The following GPC6 variants were observed in gnomAD, a reference collection of about 807,000 sequenced individuals.
The protein encoded by GPC6 is glypican 6, also known as glypican-6.
A neutral mutation model predicts 55.2 loss-of-function variants in GPC6; 14 were observed. That is an observed-to-expected ratio of 0.25 (90% confidence interval 0.17 to 0.40). The LOEUF is 0.40. Ranked by LOEUF, GPC6 falls within the 10% of genes least tolerant of loss-of-function variation. The pLI, the probability that GPC6 is intolerant of heterozygous loss-of-function variation, is 1.00. For missense variants in GPC6, 641 were observed against 708.5 expected (o/e 0.90, Z 1.08); for synonymous variants, 278 against 259.6 (o/e 1.07, Z -0.68).
chr13:94,026,579 T>C (rs1308797775), intron 3 of GPC6, among the ~76,000 whole-genome samples: 6 of 152,148 alleles, frequency 3.9e-5, no homozygotes, highest in Non-Finnish European at 8.8e-5. Context: ...CATCTAGTCA[T>C]GAATAAGAGT....
chr13:93,245,292 G>A (rs934127632), intron 1 of GPC6, among the ~76,000 whole-genome samples: 2 of 152,136 alleles, frequency 1.3e-5, no homozygotes, highest in African/African-American at 4.8e-5. Context: ...TTCAGTTTTG[G>A]ATACTCTGAT....
intron 4 of GPC6, among the ~76,000 whole-genome samples, chr13:94,202,054 C>T (rs926188160): frequency 2.6e-5 from 4 of 152,174 alleles, no homozygotes; most frequent in African/African-American, 9.7e-5. Flanking sequence ...TCTCACTCCC[C>T]TGGCATTTAT....
chr13:94,337,344 C>G (rs557668429), intron 6 of GPC6, among the ~76,000 whole-genome samples: 7 of 152,264 alleles, frequency 4.6e-5, no homozygotes, highest in Non-Finnish European at 1.0e-4. Context: ...TTTATTTCAT[C>G]TAAATTCACA....
intron 4 of GPC6, among the ~76,000 whole-genome samples, chr13:94,039,004 A>C (rs1464323635): frequency 6.6e-6 from 1 of 151,894 alleles, no homozygotes; most frequent in African/African-American, 2.4e-5. Context: ...TGCAAGACCC[A>C]TCCCAGCAGA....
At chr13:93,748,896 AG>A (rs66499844) in intron 2 of GPC6, among the ~76,000 whole-genome samples, 41,780 of 151,812 alleles carry the variant, frequency 0.28, 6,507 homozygotes, top group Middle Eastern at 0.37. Context: ...AGGAACACAA[AG>A]AAATCTGACT....
At chr13:94,398,029 A>AT (rs34088644) in intron 7 of GPC6, among the ~76,000 whole-genome samples, 4,220 of 152,200 alleles carry the variant, frequency 0.028, 86 homozygotes, top group African/African-American at 0.047. Flanking sequence ...ACCATGTGAG[A>AT]TGTGCCTTTG....
At chr13:93,587,235 CT>C (rs548231280) in intron 2 of GPC6, among the ~76,000 whole-genome samples, 164 of 151,906 alleles carry the variant, frequency 1.1e-3, no homozygotes, top group African/African-American at 3.6e-3. Context: ...TTATTTACCC[CT>C]AATAAAGTAG....
At chr13:93,305,299 A>G (rs1245900879) in intron 1 of GPC6, among the ~76,000 whole-genome samples, 1 of 151,834 alleles carries the variant, frequency 6.6e-6, no homozygotes, top group African/African-American at 2.4e-5. Context: ...AAACTTCTCT[A>G]GTGATTATGA....
intron 3 of GPC6, among the ~76,000 whole-genome samples, chr13:93,956,027 C>T (rs1237908473): frequency 6.6e-6 from 1 of 152,144 alleles, no homozygotes; most frequent in Non-Finnish European, 1.5e-5. Flanking sequence ...GCCACCACTA[C>T]TAGAGCCACT....
At chr13:93,922,869 A>G (rs1877648719) in intron 3 of GPC6, among the ~76,000 whole-genome samples, 1 of 152,164 alleles carries the variant, frequency 6.6e-6, no homozygotes. Flanking sequence ...AACATCCATA[A>G]TAGTTGATGG....
chr13:94,203,813 G>T (rs79407262), intron 4 of GPC6, among the ~76,000 whole-genome samples: 1 of 152,032 alleles, frequency 6.6e-6, no homozygotes, highest in Non-Finnish European at 1.5e-5. Context: ...TCAAATACAT[G>T]TTGGAGCCTC....
intron 4 of GPC6, among the ~76,000 whole-genome samples, chr13:94,061,277 T>G (rs182358115): frequency 4.6e-5 from 7 of 152,348 alleles, no homozygotes; most frequent in Non-Finnish European, 1.0e-4. Flanking sequence ...CCCATCTTAG[T>G]ACTACAAAAT....
At chr13:93,502,407 G>C (rs1428268640) in intron 1 of GPC6, among the ~76,000 whole-genome samples, 2 of 152,060 alleles carry the variant, frequency 1.3e-5, no homozygotes, top group African/African-American at 4.8e-5. Flanking sequence ...GACTCTTACA[G>C]AATGTGTTCT....
chr13:93,797,616 C>A (rs1012244259), intron 2 of GPC6, among the ~76,000 whole-genome samples: 1 of 152,138 alleles, frequency 6.6e-6, no homozygotes, highest in Non-Finnish European at 1.5e-5. Flanking sequence ...CCCATTATTA[C>A]TTACAGAGGA....
At chr13:93,351,754 TAAACA>T (rs201935648) in intron 1 of GPC6, among the ~76,000 whole-genome samples, 2,378 of 152,164 alleles carry the variant, frequency 0.016, 51 homozygotes, top group African/African-American at 0.051. Flanking sequence ...ATTAAAAATA[TAAACA>T]AAACAAAACA....
chr13:94,177,795 G>A (rs763918829), intron 4 of GPC6, among the ~76,000 whole-genome samples: 3 of 151,934 alleles, frequency 2.0e-5, no homozygotes, highest in African/African-American at 4.8e-5. Context: ...TTTTAAATAG[G>A]TCATAATTTC....
chr13:93,388,309 G>A (rs775000503), intron 1 of GPC6, among the ~76,000 whole-genome samples: 32 of 152,112 alleles, frequency 2.1e-4, no homozygotes, highest in Non-Finnish European at 4.1e-4. Flanking sequence ...AGCCTATTGC[G>A]TTCCTGAGAC....
At chr13:93,674,010 G>A (rs924572314) in intron 2 of GPC6, among the ~76,000 whole-genome samples, 1 of 152,018 alleles carries the variant, frequency 6.6e-6, no homozygotes, top group African/African-American at 2.4e-5. Context: ...ACAAAAAGAT[G>A]AATTATAGAG....
At chr13:93,869,134 C>T (rs1032568597) in intron 3 of GPC6, among the ~76,000 whole-genome samples, 1 of 151,834 alleles carries the variant, frequency 6.6e-6, no homozygotes, top group African/African-American at 2.4e-5. Flanking sequence ...CCATCTGCTT[C>T]AAGTCCCTTT....
Sources: gnomAD v4.1 joint callset for allele counts (sites outside exome capture counted in the v4.1 genomes callset) on GRCh38, gnomAD v4.1.1 for gene constraint, MANE v1.5 for transcripts, NCBI Gene and HGNC (gene_info 2026-07-23, HGNC 2026-07-21) for gene names.